RNF115: variants seen among roughly 807,000 people sequenced by gnomAD.
RNF115 encodes E3 ubiquitin-protein ligase RNF115.
RNF115 carries 31 observed loss-of-function variants against 39.2 expected under a neutral mutation model. That is an observed-to-expected ratio of 0.79 (90% CI 0.59 to 1.07). The LOEUF is 1.07. RNF115 is among the 50% of genes least tolerant of loss of function. RNF115 has a pLI of 0.00. For missense variants in RNF115, 384 were observed against 381.7 expected (o/e 1.01, Z -0.05); for synonymous variants, 124 against 131.0 (o/e 0.95, Z 0.37).
chr1:145,757,998 T>C (rs1165440996), intron 4 of RNF115, among the ~76,000 whole-genome samples: 3 of 152,176 alleles, frequency 2.0e-5, no homozygotes, highest in Non-Finnish European at 4.4e-5. Context: ...TGAGTGCATT[T>C]TGCACATAGA....
intron 3 of RNF115, chr1:145,773,798 T>A (rs1647757288): frequency 6.6e-6 from 1 of 152,182 alleles, no homozygotes. Context: ...CCTGTTTTTT[T>A]TTTTTCTTTT....
intron 1 of RNF115, among the ~76,000 whole-genome samples, chr1:145,815,149 A>G (rs1649928958): frequency 1.3e-5 from 2 of 152,306 alleles, no homozygotes; most frequent in South Asian, 4.1e-4. Flanking sequence ...TTCCTGTATT[A>G]GAGTTATTGC....
rs992189919 is a variant in RNF115, at chr1:145,779,509, G to C, written c.219+5030C>G. Among the ~76,000 whole-genome samples, 6 of 151,958 alleles carry C rather than the reference G, an allele frequency of 3.9e-5. No individual in the cohort carries two copies. In the East Asian group the frequency reaches 1.2e-3, roughly 29 times the overall value. ...AATAACTATAGAGAGACAAGTAAAA[G>C]GTTTATGACATAATACCAAGTAAAT... On this transcript the variant is annotated intron_variant, in intron 3 of 8. Transcript: ENST00000582693.
At chr1:145,759,664 T>C (rs1394781347) in intron 4 of RNF115, among the ~76,000 whole-genome samples, 1 of 152,212 alleles carries the variant, frequency 6.6e-6, no homozygotes, top group Non-Finnish European at 1.5e-5. Flanking sequence ...CCCCCCATTC[T>C]ATTTTCAGCA....
chr1:145,823,751 T>C (rs782233118), intron 1 of RNF115, 21 bp downstream of exon 1: 39 of 1,528,394 alleles, frequency 2.6e-5, no homozygotes, highest in South Asian at 1.5e-4. Flanking sequence ...TTCCCAAGTA[T>C]AGAGAACACA....
rs1392384791 is a variant in RNF115, at chr1:145,743,283, G to A, written c.*3583C>T. The A allele has an allele frequency of 1.3e-5, 2 of 152,156 alleles. No homozygotes were observed. Among genetic ancestry groups the A allele is most frequent in the African/African-American group, 4.8e-5 (2 of 41,398 alleles). The allele number at this position is 152,156 out of a possible 1,614,324, so 9.4% of individuals were successfully genotyped here. A position where few individuals can be genotyped will look rare whatever the true frequency, so the allele number is the denominator to read the frequency against. Reference sequence around the variant, plus strand: ...TGAAGGTCTGAATAGAACAAGTAAGGGAGAAGTCCTCCTGCCTGACTGCTT... The same window carrying A: ...TGAAGGTCTGAATAGAACAAGTAAGAGAGAAGTCCTCCTGCCTGACTGCTT... On this transcript the variant is annotated 3_prime_UTR_variant, in exon 9 of 9. Transcript: ENST00000582693.
intron 4 of RNF115, among the ~76,000 whole-genome samples, chr1:145,763,261 CCTT>C (rs1165885399): frequency 6.6e-6 from 1 of 152,054 alleles, no homozygotes; most frequent in Non-Finnish European, 1.5e-5. Flanking sequence ...AGGTGGGACA[CCTT>C]CTTAGAAGTA....
intron 4 of RNF115, among the ~76,000 whole-genome samples, chr1:145,765,744 T>C (rs1354845104): frequency 6.6e-6 from 1 of 152,216 alleles, no homozygotes; most frequent in Admixed American, 6.5e-5. Context: ...TTAACTATCA[T>C]TCAAAAGCTG....
chr1:145,755,707 A>G (rs1468999368), intron 4 of RNF115, among the ~76,000 whole-genome samples: 1 of 152,114 alleles, frequency 6.6e-6, no homozygotes, highest in African/African-American at 2.4e-5. Context: ...CTTTGAGGAG[A>G]GCATCAGTGA....
At chr1:145,747,061 C>T in intron 8 of RNF115, 64 bp from the exon 9 acceptor site, 1 of 1,483,216 alleles carries the variant, frequency 6.7e-7, no homozygotes, top group Non-Finnish European at 9.2e-7. Context: ...GTATTGTACA[C>T]TTAAATAACC....
At chr1:145,796,848 CCT>C (rs1553720158) in intron 1 of RNF115, among the ~76,000 whole-genome samples, 3 of 152,136 alleles carry the variant, frequency 2.0e-5, no homozygotes, top group Non-Finnish European at 1.5e-5. Flanking sequence ...CACCATTCTA[CCT>C]CTGTTTCTAT....
chr1:145,805,249 T>G (rs898071490), intron 1 of RNF115, among the ~76,000 whole-genome samples: 4 of 152,170 alleles, frequency 2.6e-5, no homozygotes, highest in Non-Finnish European at 5.9e-5. Flanking sequence ...AACATTCAAG[T>G]CAGGAAAGAT....
chr1:145,752,582 G>GTTT (rs1658129445), intron 5 of RNF115, among the ~76,000 whole-genome samples: 2 of 67,148 alleles, frequency 3.0e-5, no homozygotes, highest in Non-Finnish European at 4.8e-5. Context: ...CACCTATGCA[G>GTTT]CTCTTTTTTT....
intron 1 of RNF115, among the ~76,000 whole-genome samples, chr1:145,797,834 G>A (rs1649051277): frequency 6.6e-6 from 1 of 152,066 alleles, no homozygotes. Context: ...TTTAATAGTA[G>A]CCATCCTAAT....
chr1:145,776,103 T>C (rs1255901189), intron 3 of RNF115, among the ~76,000 whole-genome samples: 5 of 150,220 alleles, frequency 3.3e-5, no homozygotes, highest in Non-Finnish European at 7.4e-5. Context: ...GGGGGGCTAC[T>C]GTACCAATTC....
intron 8 of RNF115, among the ~76,000 whole-genome samples, chr1:145,747,496 G>A (rs1420256707): frequency 1.3e-5 from 2 of 152,024 alleles, no homozygotes; most frequent in Admixed American, 6.6e-5. Context: ...CACAAAAATT[G>A]GCTGGGCATG....
At chr1:145,814,465 C>G (rs1439215355) in intron 1 of RNF115, among the ~76,000 whole-genome samples, 11 of 151,294 alleles carry the variant, frequency 7.3e-5, no homozygotes, top group African/African-American at 2.7e-4. Flanking sequence ...CACCTGTAAT[C>G]CCAGCTACTT....
At chr1:145,769,892 A>T (rs1470252182) in intron 4 of RNF115, among the ~76,000 whole-genome samples, 1 of 152,072 alleles carries the variant, frequency 6.6e-6, no homozygotes, top group East Asian at 1.9e-4. Flanking sequence ...TTGTAGTCCT[A>T]CCTAGTTCAT....
chr1:145,774,211 G>A (rs1036281450), intron 3 of RNF115, among the ~76,000 whole-genome samples: 1 of 151,674 alleles, frequency 6.6e-6, no homozygotes, highest in African/African-American at 2.4e-5. Context: ...GTTTTAGTTT[G>A]CTTTCCCTGA....
Sources: allele counts gnomAD v4.1 joint callset (sites outside exome capture counted in the v4.1 genomes callset), GRCh38; gene constraint gnomAD v4.1.1; transcripts MANE v1.5; gene names NCBI Gene and HGNC (gene_info 2026-07-23, HGNC 2026-07-21).